Variants in PACRGL observed in about 807,000 individuals in gnomAD.
PACRGL encodes PACRG-like protein.
PACRGL carries 38 observed loss-of-function variants against 34.5 expected under a neutral mutation model. That is an observed-to-expected ratio of 1.10 (90% CI 0.85 to 1.44). The LOEUF is 1.44. PACRGL is among the 40% of genes most tolerant of loss of function. The pLI is 0.00. For synonymous variants in PACRGL, 128 were observed against 100.1 expected (o/e 1.28, Z -1.66); for missense variants, 305 against 281.4 (o/e 1.08, Z -0.60).
chr4:20,726,168 G>C (rs1472086206), intron 8 of PACRGL, among the ~76,000 whole-genome samples: 1 of 152,020 alleles, frequency 6.6e-6, no homozygotes, highest in Non-Finnish European at 1.5e-5. Flanking sequence ...GGGAGTGGAG[G>C]GGGTGTGGAG....
intron 8 of PACRGL, among the ~76,000 whole-genome samples, chr4:20,738,385 C>T (rs568824580): frequency 2.7e-4 from 41 of 152,250 alleles, no homozygotes; most frequent in Non-Finnish European, 3.7e-4. Flanking sequence ...AACACAGTCA[C>T]CTGGGGAGTG....
chr4:20,738,390 G>A (rs1409325238), intron 8 of PACRGL, among the ~76,000 whole-genome samples: 1 of 152,118 alleles, frequency 6.6e-6, no homozygotes, highest in Admixed American at 6.5e-5. Context: ...AGTCACCTGG[G>A]GAGTGTGCCA....
intron 1 of PACRGL, among the ~76,000 whole-genome samples, chr4:20,703,347 A>C (rs1017145052): frequency 1.3e-5 from 2 of 152,194 alleles, no homozygotes; most frequent in Non-Finnish European, 2.9e-5. Flanking sequence ...GTAATCAAGT[A>C]GAAATAAGGA....
intron 5 of PACRGL, among the ~76,000 whole-genome samples, chr4:20,711,793 A>G (rs939670701): frequency 4.6e-5 from 7 of 152,154 alleles, no homozygotes; most frequent in African/African-American, 1.7e-4. Context: ...TTAGGGTGAA[A>G]GGCATAGTGA....
At chr4:20,720,252 C>T (rs1181585539) in intron 7 of PACRGL, among the ~76,000 whole-genome samples, 9 of 152,142 alleles carry the variant, frequency 5.9e-5, no homozygotes, top group African/African-American at 1.7e-4. Context: ...CTCCTGAATA[C>T]AGCACACTGA....
intron 7 of PACRGL, among the ~76,000 whole-genome samples, chr4:20,713,860 G>A (rs893968679): frequency 6.6e-6 from 1 of 152,194 alleles, no homozygotes; most frequent in Non-Finnish European, 1.5e-5. Context: ...TGGTCTGAGA[G>A]ACAAGTTTGT....
chr4:20,716,204 T>C lies in PACRGL; in HGVS notation c.609+2665T>C, dbSNP rs542836550. 180 of 979,820 alleles carry C rather than the reference T, an allele frequency of 1.8e-4. No homozygotes were observed. In the African/African-American group the frequency reaches 2.4e-3, roughly 13 times the overall value. The allele number at this position is 979,820 out of a possible 1,614,324, so 60.7% of individuals were successfully genotyped here. ...TCAGGAAAGCTGTTACTGGCTGTTA[T>C]GGTTTCTTACAACACACAAAAAATA... On this transcript the variant is annotated intron_variant, in intron 7 of 8. Coordinates refer to ENST00000503585, the MANE Select transcript of PACRGL (RefSeq NM_001258345.3).
chr4:20,739,937 T>G (rs1332707684), intron 8 of PACRGL, among the ~76,000 whole-genome samples: 1 of 152,004 alleles, frequency 6.6e-6, no homozygotes, highest in Non-Finnish European at 1.5e-5. Flanking sequence ...ACAAGAACTA[T>G]CTGATGCATT....
At chr4:20,763,593 G>A in the PACRGL span, among the ~76,000 whole-genome samples, 4 of 152,152 alleles carry the variant, frequency 2.6e-5, no homozygotes, top group African/African-American at 7.2e-5. Context: ...AAGAAGTCTG[G>A]TATGGCCAGA....
chr4:20,729,817 A>ATGCCAGATTC lies in PACRGL; in HGVS notation c.*2478_*2487dup. 2.9e-6 allele frequency: 1 copy of ATGCCAGATTC among 345,840 alleles called. No individual in the cohort carries two copies. The highest frequency in any genetic ancestry group is 5.2e-6 in the Non-Finnish European group (1 of 192,130). 21.4% of individuals were successfully genotyped at this position (345,840 alleles called of 1,614,324 possible). A position where few individuals can be genotyped will look rare whatever the true frequency, so the allele number is the denominator to read the frequency against. On this transcript the variant is annotated 3_prime_UTR_variant, in exon 9 of 9. Coordinates refer to ENST00000503585, the MANE Select transcript of PACRGL (RefSeq NM_001258345.3). ...ATGGCTAAGGAACCAATAAAACTATATGCCAGATTCTATTACTTTTGAATA... is the reference window on the plus strand; with the variant it reads ...ATGGCTAAGGAACCAATAAAACTATATGCCAGATTCTGCCAGATTCTATTACTTTTGAATA...
chr4:20,744,748 C>T (rs1011358361), intron 8 of PACRGL, among the ~76,000 whole-genome samples: 1 of 151,620 alleles, frequency 6.6e-6, no homozygotes, highest in African/African-American at 2.4e-5. Flanking sequence ...GCACATGTAC[C>T]CTAGAACTTA....
chr4:20,733,957 G>T (rs936941600), downstream of PACRGL, among the ~76,000 whole-genome samples: 1 of 152,062 alleles, frequency 6.6e-6, no homozygotes, highest in Non-Finnish European at 1.5e-5. Context: ...TGTCTGTGGG[G>T]CCTCTTGCTC....
At chr4:20,699,775 G>T (rs1678210527), upstream of PACRGL, among the ~76,000 whole-genome samples, 1 of 152,156 alleles carries the variant, frequency 6.6e-6, no homozygotes. Context: ...TGCAATACAA[G>T]GGAATATGCA....
intron 1 of PACRGL, chr4:20,701,690 GACT>G (rs1012511784): frequency 1.8e-5 from 6 of 331,722 alleles, no homozygotes; most frequent in South Asian, 2.4e-5. Context: ...TTAAAAAATT[GACT>G]ACATTTCCCG....
intron 5 of PACRGL, among the ~76,000 whole-genome samples, chr4:20,712,296 G>T: frequency 7.0e-6 from 1 of 143,520 alleles, no homozygotes; most frequent in Admixed American, 7.2e-5. Flanking sequence ...TGTGAGTAGA[G>T]ATTACTCCTG....
At position 20,728,636 on chromosome 4, in the gene PACRGL, T is replaced by TTTTTTC. The variant is rs1331570827; in HGVS notation, c.*1301_*1306dup. The TTTTTTC allele has an allele frequency of 1.3e-5, 2 of 152,606 alleles. No homozygotes were observed. The highest frequency in any genetic ancestry group is 2.9e-5 in the Non-Finnish European group (2 of 68,014). The allele number at this position is 152,606 out of a possible 1,614,324, so 9.5% of individuals were successfully genotyped here. On this transcript the variant is annotated 3_prime_UTR_variant, in exon 9 of 9. Coordinates refer to ENST00000503585, the MANE Select transcript of PACRGL (RefSeq NM_001258345.3). ...TTATAAACATTTTATTTTGCTTTTATTTTTTCTTTTTGAAATACAAAATGT... is the reference window on the plus strand; with the variant it reads ...TTATAAACATTTTATTTTGCTTTTATTTTTTCTTTTTCTTTTTGAAATACAAAATGT...
downstream of PACRGL, among the ~76,000 whole-genome samples, chr4:20,735,314 A>C (rs946274778): frequency 6.6e-6 from 1 of 152,096 alleles, no homozygotes; most frequent in Non-Finnish European, 1.5e-5. Flanking sequence ...CCTTTGCCTC[A>C]ATTTTCGTAT....
chr4:20,762,572 C>T, the PACRGL span, among the ~76,000 whole-genome samples: 1 of 152,170 alleles, frequency 6.6e-6, no homozygotes. Flanking sequence ...GTGATCTCTC[C>T]ATAAAAGTGG....
At chr4:20,714,259 T>C (rs1181158845) in intron 7 of PACRGL, among the ~76,000 whole-genome samples, 1 of 152,198 alleles carries the variant, frequency 6.6e-6, no homozygotes, top group Non-Finnish European at 1.5e-5. Flanking sequence ...GTAATGGCCT[T>C]CTTTGTCTCT....
Sources: gnomAD v4.1 joint callset for allele counts (sites outside exome capture counted in the v4.1 genomes callset) on GRCh38, gnomAD v4.1.1 for gene constraint, MANE v1.5 for transcripts, NCBI Gene and HGNC (gene_info 2026-07-23, HGNC 2026-07-21) for gene names.